Variants in EVL observed in about 807,000 individuals in gnomAD.
EVL encodes the protein ena/VASP-like protein.
In EVL, 21 loss-of-function variants were observed where a neutral mutation model predicts 59.6. The ratio of observed to expected loss-of-function variants is 0.35; its 90% CI spans 0.25 to 0.51. The LOEUF (loss-of-function observed/expected upper bound fraction) is 0.51. EVL is among the 20% of genes least tolerant of loss of function. The pLI is 0.97. For missense variants in EVL, 462 were observed against 546.6 expected (o/e 0.85, Z 1.54); for synonymous variants, 198 against 203.5 (o/e 0.97, Z 0.23).
chr14:100,143,782 CAG>C lies in EVL; in HGVS notation c.*47_*48del, dbSNP rs888971419. On this transcript the variant is annotated 3_prime_UTR_variant, in exon 14 of 14. Transcript: ENST00000392920. ...CTGATTCGTCGAGCCCATCCGGCGA[CAG>C]AGGACAGCCAGAAGCCCAGCCAGCC... 6.2e-7 allele frequency: 1 copy of C among 1,600,266 alleles called. No individual in the cohort carries two copies. The highest frequency in any genetic ancestry group is 1.3e-5 in the African/African-American group (1 of 74,660).
chr14:100,040,337 G>A (rs1018466452), intron 1 of EVL, among the ~76,000 whole-genome samples: 5 of 152,006 alleles, frequency 3.3e-5, no homozygotes. Flanking sequence ...CCCTCGCCCT[G>A]TATCCTCTCC....
chr14:100,037,029 G>C (rs1312843483), intron 1 of EVL, among the ~76,000 whole-genome samples: 1 of 152,198 alleles, frequency 6.6e-6, no homozygotes, highest in Non-Finnish European at 1.5e-5. Flanking sequence ...CAAGGAGAGA[G>C]GCCTCCAGAG....
chr14:100,001,919 T>C lies in EVL; in HGVS notation c.5+29862T>C, dbSNP rs145791377. Among the ~76,000 whole-genome samples, 65 of 152,332 alleles carry C rather than the reference T, an allele frequency of 4.3e-4. No homozygotes were observed. In the East Asian group the frequency reaches 0.012, roughly 29 times the overall value. On this transcript the variant is annotated intron_variant, in intron 1 of 13. Coordinates refer to the EVL transcript ENST00000402714. ...GTTACAAATGAAAACAAACTTTTATTGTACTTATGCAAATAACTATATTGC... is the reference window on the plus strand; with the variant it reads ...GTTACAAATGAAAACAAACTTTTATCGTACTTATGCAAATAACTATATTGC...
intron 1 of EVL, among the ~76,000 whole-genome samples, chr14:100,024,367 C>G (rs1181436734): frequency 6.6e-6 from 1 of 152,188 alleles, no homozygotes; most frequent in East Asian, 1.9e-4. Flanking sequence ...AGCTTGGTCT[C>G]TCTCATTTTC....
intron 1 of EVL, among the ~76,000 whole-genome samples, chr14:99,987,154 C>T (rs975991208): frequency 6.6e-6 from 1 of 152,066 alleles, no homozygotes; most frequent in Non-Finnish European, 1.5e-5. Flanking sequence ...AATCATATAT[C>T]TGATAAGAGA....
chr14:100,054,902 A>G (rs2061703498), intron 1 of EVL, among the ~76,000 whole-genome samples: 1 of 152,110 alleles, frequency 6.6e-6, no homozygotes, highest in East Asian at 1.9e-4. Flanking sequence ...GCCTGTGACA[A>G]CCACTAATCT....
At chr14:100,047,458 T>C (rs1353944256) in intron 1 of EVL, among the ~76,000 whole-genome samples, 1 of 152,082 alleles carries the variant, frequency 6.6e-6, no homozygotes, top group Non-Finnish European at 1.5e-5. Flanking sequence ...TTCTTTCCAC[T>C]GAGCTCCGTT....
chr14:100,091,001 A>G (rs2140310496), intron 2 of EVL, among the ~76,000 whole-genome samples: 1 of 152,244 alleles, frequency 6.6e-6, no homozygotes, highest in South Asian at 2.1e-4. Flanking sequence ...ATAATAATAT[A>G]TACTAATATT....
At chr14:100,054,740 TC>T (rs2061700499) in intron 1 of EVL, among the ~76,000 whole-genome samples, 1 of 152,072 alleles carries the variant, frequency 6.6e-6, no homozygotes, top group Admixed American at 6.5e-5. Flanking sequence ...CTCTGGTGCT[TC>T]CCCCGTGGCC....
intron 1 of EVL, among the ~76,000 whole-genome samples, chr14:99,977,590 ACG>A (rs2060778778): frequency 6.6e-6 from 1 of 151,936 alleles, no homozygotes; most frequent in Non-Finnish European, 1.5e-5. Context: ...ATCCGCCACT[ACG>A]CGCGGCTAAT....
intron 1 of EVL, among the ~76,000 whole-genome samples, chr14:100,011,558 A>G (rs1260228452): frequency 6.6e-6 from 1 of 152,222 alleles, no homozygotes; most frequent in Non-Finnish European, 1.5e-5. Flanking sequence ...GCTTTTTGAA[A>G]ATTAGACTTC....
rs575399653 is a variant in EVL at position 99,975,730 on chromosome 14, G to A, written c.5+3673G>A. The stretch of plus-strand genomic sequence containing the variant: ...CAGGAGGCAGACTGCAGGCAGTAAT[G>A]CTCACTCATCTGCCACTCACCTCCT... On this transcript the variant is annotated intron_variant, in intron 1 of 13. Transcript: ENST00000402714. Among the ~76,000 whole-genome samples, 14 of 152,294 alleles carry A rather than the reference G, an allele frequency of 9.2e-5. No individual in the cohort carries two copies. In the East Asian group the frequency reaches 2.3e-3, roughly 25 times the overall value.
At chr14:100,071,278 CATGTTAAT>C (rs2062043603) in intron 1 of EVL, among the ~76,000 whole-genome samples, 1 of 152,214 alleles carries the variant, frequency 6.6e-6, no homozygotes, top group Non-Finnish European at 1.5e-5. Context: ...TTGGGTTTCC[CATGTTAAT>C]ATGCAGAGAG....
At chr14:100,126,858 G>A (rs1888107157) in intron 5 of EVL, 87 bp downstream of exon 5, 1 of 1,334,200 alleles carries the variant, frequency 7.5e-7, no homozygotes, top group African/African-American at 1.4e-5. Context: ...GGACACACGG[G>A]GCGCTCTGTG....
Position 100,129,629 on chromosome 14 carries a change from A to G in EVL, c.784A>G (p.Ser262Gly). ...TSKSDANRAS[S>G]GGGGGGLMEE... ...AAAGTCCGATGCCAACCGGGCAAGC[A>G]GCGGGGGTGGCGGAGGAGGCCTCAT... The change falls in exon 7 of 14, where the codon AGC becomes GGC. Residue 262 changes from serine to glycine, a missense_variant. Coordinates refer to ENST00000392920, the MANE Select transcript of EVL (RefSeq NM_016337.3). 3 of 1,612,292 alleles carry G rather than the reference A, an allele frequency of 1.9e-6. No homozygotes were observed. Among genetic ancestry groups the G allele is most frequent in the South Asian group, 2.2e-5 (2 of 90,684 alleles).
chr14:100,027,911 G>A (rs1449617132), intron 1 of EVL, among the ~76,000 whole-genome samples: 1 of 152,164 alleles, frequency 6.6e-6, no homozygotes, highest in African/African-American at 2.4e-5. Flanking sequence ...CTGACCTCAA[G>A]TGATCCACCC....
chr14:100,134,714 G>GA (rs1888657921), intron 8 of EVL: 1 of 152,252 alleles, frequency 6.6e-6, no homozygotes, highest in Non-Finnish European at 1.5e-5. Flanking sequence ...AAGACGAAAA[G>GA]AGCCCCAAAT....
chr14:100,062,582 C>G (rs2061856979), upstream of EVL, among the ~76,000 whole-genome samples: 1 of 152,074 alleles, frequency 6.6e-6, no homozygotes, highest in Non-Finnish European at 1.5e-5. Flanking sequence ...AGTAGTAGAC[C>G]TGTATCCATC....
intron 9 of EVL, among the ~76,000 whole-genome samples, chr14:100,136,544 T>C (rs141904283): frequency 1.5e-4 from 23 of 152,302 alleles, no homozygotes; most frequent in East Asian, 9.7e-4. Context: ...CAAACATCTT[T>C]GCAGCACCTG....
Sources: allele counts gnomAD v4.1 joint callset (sites outside exome capture counted in the v4.1 genomes callset), GRCh38; gene constraint gnomAD v4.1.1; transcripts MANE v1.5; gene names NCBI Gene and HGNC (gene_info 2026-07-23, HGNC 2026-07-21).